DYM: variants seen among roughly 807,000 people sequenced by gnomAD.
The protein encoded by DYM is dymeclin.
In DYM, 78 loss-of-function variants were observed where a neutral mutation model predicts 93.1. The observed-to-expected ratio is 0.84, with a 90% CI of 0.70 to 1.01. The LOEUF (loss-of-function observed/expected upper bound fraction) is 1.01. DYM is among the 50% of genes least tolerant of loss of function. DYM has a pLI of 0.00. For synonymous variants in DYM, 321 were observed against 319.7 expected (o/e 1.00, Z -0.04); for missense variants, 789 against 845.0 (o/e 0.93, Z 0.82).
intron 2 of DYM, among the ~76,000 whole-genome samples, chr18:49,421,243 C>T: frequency 6.6e-6 from 1 of 152,184 alleles, no homozygotes; most frequent in Non-Finnish European, 1.5e-5. Flanking sequence ...TGGGAGGCAC[C>T]TCCCAGTAGG....
intron 8 of DYM, among the ~76,000 whole-genome samples, chr18:49,299,962 A>C (rs556295303): frequency 6.7e-6 from 1 of 150,340 alleles, no homozygotes; most frequent in South Asian, 2.1e-4. Flanking sequence ...AGAATGGCAT[A>C]AACCCGGGAG....
chr18:49,209,717 T>C lies in DYM; in HGVS notation c.1461-2A>G. 7.9e-7 allele frequency: 1 copy of C among 1,265,070 alleles called. No individual in the cohort carries two copies. Among genetic ancestry groups the C allele is most frequent in the South Asian group, 1.3e-5 (1 of 77,252 alleles). The allele number at this position is 1,265,070 out of a possible 1,614,324, so 78.4% of individuals were successfully genotyped here. A position where few individuals can be genotyped will look rare whatever the true frequency, so the allele number is the denominator to read the frequency against. ...CTCCGCAAGTGGCGGCAGGTATAAC[T>C]GAAAGACAAAGGTAAAAGGAGAGAA... On this transcript the variant is annotated splice_acceptor_variant, in intron 13 of 17. Coordinates refer to ENST00000675505, the MANE Select transcript of DYM (RefSeq NM_001353214.3). LOFTEE classifies it high-confidence loss of function.
chr18:49,319,033 C>T (rs1201289428), intron 8 of DYM, among the ~76,000 whole-genome samples: 2 of 152,018 alleles, frequency 1.3e-5, no homozygotes, highest in African/African-American at 4.8e-5. Context: ...TCTTGAACTC[C>T]TGATCTTGTG....
intron 14 of DYM, among the ~76,000 whole-genome samples, chr18:49,173,760 T>C (rs1003298568): frequency 2.0e-5 from 3 of 152,116 alleles, no homozygotes; most frequent in Non-Finnish European, 2.9e-5. Context: ...AAAACACATA[T>C]TCATGTCTTG....
chr18:49,396,114 G>T (rs974556424), intron 2 of DYM, among the ~76,000 whole-genome samples: 3 of 152,160 alleles, frequency 2.0e-5, no homozygotes, highest in Admixed American at 1.3e-4. Context: ...GAAGCAGCCT[G>T]AGGCCCTCAT....
chr18:49,440,468 T>C lies in DYM; in HGVS notation c.-53-10021A>G, dbSNP rs1279260840. ...CTATATATTATATATTTATATAATA[T>C]ATGACTATATATTATATATTTATAT... On this transcript the variant is annotated intron_variant, in intron 1 of 17. Coordinates refer to ENST00000675505, the MANE Select transcript of DYM (RefSeq NM_001353214.3). Among the ~76,000 whole-genome samples the C allele has an allele frequency of 5.1e-5, 5 of 97,130 alleles. 1 individual carries two copies. The East Asian group carries it at 1.9e-3, about 36-fold the overall frequency. The allele number at this position is 97,130 out of a possible 152,430, so 63.7% of individuals were successfully genotyped here.
chr18:49,095,554 G>C (rs2079467871), intron 17 of DYM, among the ~76,000 whole-genome samples: 1 of 150,748 alleles, frequency 6.6e-6, no homozygotes, highest in Admixed American at 6.6e-5. Flanking sequence ...TTCTTGCTAT[G>C]TTCCAGAACC....
rs386387632 is a variant in DYM at position 49,289,727 on chromosome 18, GTA to G, written c.764-3113_764-3112del. Among the ~76,000 whole-genome samples the G allele has an allele frequency of 9.8e-3, 830 of 84,848 alleles. 22 individuals are homozygous for G. The highest frequency in any genetic ancestry group is 0.029 in the African/African-American group (574 of 19,586). 55.7% of individuals were successfully genotyped at this position (84,848 alleles called of 152,430 possible). A position where few individuals can be genotyped will look rare whatever the true frequency, so the allele number is the denominator to read the frequency against. ...CCCTATCTCAAATATATATATATGT[GTA>G]TATATATATATATATATATATATAT... is the stretch of plus-strand genomic sequence containing the variant. On this transcript the variant is annotated intron_variant, in intron 8 of 17. Transcript: ENST00000675505.
intron 14 of DYM, among the ~76,000 whole-genome samples, chr18:49,170,465 A>G (rs1482792393): frequency 6.6e-6 from 1 of 152,064 alleles, no homozygotes; most frequent in Non-Finnish European, 1.5e-5. Flanking sequence ...GTGATCACCC[A>G]AGGATATTGT....
intron 16 of DYM, among the ~76,000 whole-genome samples, chr18:49,106,900 C>T (rs571651682): frequency 1.3e-5 from 2 of 152,232 alleles, no homozygotes; most frequent in African/African-American, 4.8e-5. Context: ...TTGCTCTTCT[C>T]GAGGAGTATC....
intron 5 of DYM, among the ~76,000 whole-genome samples, chr18:49,372,475 G>A (rs2147553676): frequency 6.6e-6 from 1 of 152,346 alleles, no homozygotes; most frequent in African/African-American, 2.4e-5. Context: ...GGGTGAGGTG[G>A]CACATGCCTG....
chr18:49,407,552 A>G (rs970815577), intron 2 of DYM, among the ~76,000 whole-genome samples: 1 of 152,074 alleles, frequency 6.6e-6, no homozygotes, highest in Non-Finnish European at 1.5e-5. Context: ...AAGAGAGAGA[A>G]AGGAAAGAGA....
chr18:49,292,355 G>GACAGACAGACACACACACACACACACAC (rs769423170), intron 8 of DYM, among the ~76,000 whole-genome samples: 1 of 84,704 alleles, frequency 1.2e-5, no homozygotes, highest in South Asian at 4.5e-4. Flanking sequence ...CAGACAGACA[G>GACAGACAGACACACACACACACACACAC]ACACACACAC....
At chr18:49,350,081 G>A (rs970403950) in intron 6 of DYM, among the ~76,000 whole-genome samples, 5 of 151,968 alleles carry the variant, frequency 3.3e-5, no homozygotes, top group Admixed American at 1.3e-4. Context: ...ATCTTTTTAG[G>A]GAATAAATTT....
chr18:49,128,377 C>A lies in DYM; in HGVS notation c.1729-9451G>T, dbSNP rs138004409. Among the ~76,000 whole-genome samples the A allele has an allele frequency of 9.9e-5, 15 of 152,272 alleles. No individual in the cohort carries two copies. The East Asian group carries it at 2.5e-3, about 25-fold the overall frequency. On this transcript the variant is annotated intron_variant, in intron 15 of 17. Transcript: ENST00000675505. ...AGTGTTCATTTTTATTCTTCTTAGA[C>A]TATATTGGTGTTTTATTAGAAAAAG...
intron 2 of DYM, among the ~76,000 whole-genome samples, chr18:49,423,915 A>T (rs1337314712): frequency 2.6e-5 from 4 of 152,226 alleles, no homozygotes; most frequent in Non-Finnish European, 5.9e-5. Flanking sequence ...ATAGCCTATA[A>T]ACCAAAAAAA....
rs1467822762 is a variant in DYM, at chr18:49,209,612, C to T, written c.1564G>A (p.Asp522Asn). The T allele has an allele frequency of 7.8e-7, 1 of 1,289,704 alleles. No individual in the cohort carries two copies. Among genetic ancestry groups the T allele is most frequent in the Non-Finnish European group, 1.0e-6 (1 of 988,838 alleles). 79.9% of individuals were successfully genotyped at this position (1,289,704 alleles called of 1,614,324 possible). The change falls in exon 14 of 18, where the codon GAC (aspartate) becomes AAC (asparagine). Residue 522 changes from aspartate to asparagine, a missense_variant. Asp to Asn is a conservative substitution (Grantham distance 23). Transcript: ENST00000675505. ...TLQHCFSTLSDNGEELLSLTC... is the reference protein window; with the variant it reads ...TLQHCFSTLSNNGEELLSLTC... ...AAAGACAAGAGTTCCTCTCCATTGT[C>T]ACTGAGGGTCGAGAAGCAATGCTGA...
At chr18:49,050,842 C>A (rs2072345299) in intron 17 of DYM, among the ~76,000 whole-genome samples, 1 of 152,154 alleles carries the variant, frequency 6.6e-6, no homozygotes, top group Non-Finnish European at 1.5e-5. Context: ...CTAGAACAAA[C>A]ATCGGTTCTA....
intron 13 of DYM, among the ~76,000 whole-genome samples, chr18:49,216,367 A>C (rs568470986): frequency 6.6e-6 from 1 of 152,320 alleles, no homozygotes; most frequent in Admixed American, 6.5e-5. Flanking sequence ...TGCAGACTTA[A>C]ATGTCCCTGT....
Sources: allele counts gnomAD v4.1 joint callset (sites outside exome capture counted in the v4.1 genomes callset), GRCh38; gene constraint gnomAD v4.1.1; transcripts MANE v1.5; gene names NCBI Gene and HGNC (gene_info 2026-07-23, HGNC 2026-07-21).